The following RGS11 variants were observed in gnomAD, a reference collection of about 807,000 sequenced individuals.
RGS11 encodes regulator of G protein signaling 11.
Under a neutral mutation model 71.1 loss-of-function variants are expected in RGS11, and 86 were observed. The ratio of observed to expected loss-of-function variants is 1.21; its 90% CI spans 1.02 to 1.45. RGS11 has a LOEUF of 1.45. Ranked by LOEUF, RGS11 falls within the 40% of genes most tolerant of loss-of-function variation. The pLI is 0.00. For missense variants in RGS11, 734 were observed against 635.1 expected (o/e 1.16, Z -1.67); for synonymous variants, 298 against 254.2 (o/e 1.17, Z -1.64).
chr16:268,682 G>A lies in RGS11; in HGVS notation c.*587C>T. ...GCCGGCGCACCTGTGGACAAATTCTGGAACGCGTTTGGCGAGGGAGGAATA... is the reference window on the plus strand; with the variant it reads ...GCCGGCGCACCTGTGGACAAATTCTAGAACGCGTTTGGCGAGGGAGGAATA... On this transcript the variant is annotated 3_prime_UTR_variant, in exon 17 of 17. Transcript: ENST00000397770. The A allele has an allele frequency of 7.4e-7, 1 of 1,356,462 alleles. No individual in the cohort carries two copies. Among genetic ancestry groups the A allele is most frequent in the Non-Finnish European group, 1.0e-6 (1 of 989,776 alleles). The allele number at this position is 1,356,462 out of a possible 1,614,324, so 84.0% of individuals were successfully genotyped here.
Position 274,996 on chromosome 16 carries a change from C to T in RGS11, c.298G>A (p.Glu100Lys), listed in dbSNP as rs746825878. The change falls in exon 4 of 17, where the codon GAG becomes AAG. Residue 100 changes from glutamate to lysine, a missense_variant. By Grantham distance (56) the Glu-to-Lys change is moderately conservative (BLOSUM62 1). Coordinates refer to ENST00000397770, the MANE Select transcript of RGS11 (RefSeq NM_183337.3). The part of the protein sequence containing the change: ...DPRSLMLRPD[E>K]TPYRFQTPYF... ...CTGACCTGGAACCTGTAGGGCGTCTCGTCTGGCCGGAGCATGAGGCTACGG... is the reference window on the plus strand; with the variant it reads ...CTGACCTGGAACCTGTAGGGCGTCTTGTCTGGCCGGAGCATGAGGCTACGG... 5.8e-6 allele frequency: 9 copies of T among 1,538,626 alleles called. 1 individual carries two copies. The East Asian group carries it at 1.7e-4, about 29-fold the overall frequency.
chr16:269,779 T>TG, intron 15 of RGS11, 194 bp from the exon 16 acceptor site: 2 of 561,458 alleles, frequency 3.6e-6, no homozygotes, highest in Admixed American at 6.5e-5. Flanking sequence ...CCCGTCTGCC[T>TG]GGGCCATGTC....
intron 3 of RGS11, 43 bp from the exon 4 acceptor site, chr16:275,125 G>T (rs1344156823): frequency 1.6e-5 from 24 of 1,491,708 alleles, no homozygotes; most frequent in African/African-American, 2.8e-5. Flanking sequence ...GCGGAAGCGG[G>T]CGAGGGCGGG....
Position 269,535 on chromosome 16 carries a change from T to C in RGS11, c.1257A>G (p.Ala419=). The change falls in exon 16 of 17, where the codon GCA becomes GCG. Residue 419 remains alanine, a synonymous_variant. Coordinates refer to ENST00000397770, the MANE Select transcript of RGS11 (RefSeq NM_183337.3). ...LKSDMYKALL[A]EAGIPLEMKR... is the part of the protein sequence containing the mutation. ...TCATCTCCAGCGGGATCCCAGCCTCTGCCAGGAGGGCCTTGTACATGTCAG... is the reference window on the plus strand; with the variant it reads ...TCATCTCCAGCGGGATCCCAGCCTCCGCCAGGAGGGCCTTGTACATGTCAG... The C allele has an allele frequency of 6.2e-7, 1 of 1,613,420 alleles. No homozygotes were observed. The highest frequency in any genetic ancestry group is 1.7e-5 in the Admixed American group (1 of 60,018).
At position 271,071 on chromosome 16, in the gene RGS11, C is replaced by T. The variant is rs372559250; in HGVS notation, c.892G>A (p.Glu298Lys). The change falls in exon 13 of 17, where the codon GAG (glutamate) becomes AAG (lysine). Residue 298 changes from glutamate to lysine, a missense_variant. Transcript: ENST00000397770. Reference sequence around the variant, plus strand: ...TCCCGGAAGCTGAAGCCCCATCTCTCCACACGGAGCTTCGTGGGGGCAGCC... The same window carrying T: ...TCCCGGAAGCTGAAGCCCCATCTCTTCACACGGAGCTTCGTGGGGGCAGCC... ...TVAAPTKLRV[E>K]RWGFSFRELL... 10 of 1,612,408 alleles carry T rather than the reference C, an allele frequency of 6.2e-6. No homozygotes were observed. Among genetic ancestry groups the T allele is most frequent in the Non-Finnish European group, 8.5e-6 (10 of 1,179,876 alleles).
chr16:271,590 T>A, intron 9 of RGS11, 21 bp from the exon 10 acceptor site: 6 of 1,612,362 alleles, frequency 3.7e-6, no homozygotes, highest in Non-Finnish European at 5.1e-6. Context: ...ATAGGTGGGC[T>A]GCAGTTAGAT....
intron 9 of RGS11, chr16:272,329 T>C: frequency 1.6e-6 from 2 of 1,288,576 alleles, no homozygotes; most frequent in Non-Finnish European, 2.0e-6. Flanking sequence ...CAGCTTTGTA[T>C]GGGGAAATGT....
At position 269,204 on chromosome 16, in the gene RGS11, G is replaced by A. The variant is rs1468463279; in HGVS notation, c.*65C>T. On this transcript the variant is annotated 3_prime_UTR_variant, in exon 17 of 17. Coordinates refer to ENST00000397770, the MANE Select transcript of RGS11 (RefSeq NM_183337.3). ...CCCCAGGACCTGGGCCAAGACGGGG[G>A]TGGCTGCTGCATTCACGCAGGACGT... 4.0e-6 allele frequency: 5 copies of A among 1,235,796 alleles called. No homozygotes were observed. Among genetic ancestry groups the A allele is most frequent in the Admixed American group, 2.0e-5 (1 of 50,588 alleles). The allele number at this position is 1,235,796 out of a possible 1,614,324, so 76.6% of individuals were successfully genotyped here. A position where few individuals can be genotyped will look rare whatever the true frequency, so the allele number is the denominator to read the frequency against.
chr16:274,453 A>G (rs2141424899), intron 4 of RGS11, 188 bp from the exon 5 acceptor site: 3 of 632,542 alleles, frequency 4.7e-6, no homozygotes, highest in Non-Finnish European at 8.3e-6. Context: ...ACTGAGGTCA[A>G]CTCGCTCCTT....
chr16:271,561 AC>A lies in RGS11; in HGVS notation c.665del (p.Ser222MetfsTer21), dbSNP rs762763286. On this transcript the variant is annotated frameshift_variant, in exon 10 of 17. Transcript: ENST00000397770. LOFTEE classifies it high-confidence loss of function. ...TTACCTCCCGCTTATGGAAATCTGC[AC>A]TCTTGGTCTAGAAGGGGATAGGTGG... ...CAASRVLMTK[S>X]ADFHKREIEY... The A allele has an allele frequency of 6.4e-5, 104 of 1,613,716 alleles. No homozygotes were observed. In the African/African-American group the frequency reaches 1.1e-3, roughly 18 times the overall value.
At position 275,101 on chromosome 16, in the gene RGS11, G is replaced by A. The variant is rs201962096; in HGVS notation, c.212-19C>T. The A allele has an allele frequency of 4.5e-5, 66 of 1,478,732 alleles. 1 individual carries two copies. The East Asian group carries it at 1.6e-3, about 35-fold the overall frequency. The allele number at this position is 1,478,732 out of a possible 1,614,324, so 91.6% of individuals were successfully genotyped here. On this transcript the variant is annotated intron_variant, in intron 3 of 16. Transcript: ENST00000397770. ...AGGGCCTCTGGGGAGGGGTGGGACG[G>A]TGAGCGCGGGGCCGCGGAAGCGGGC...
intron 9 of RGS11, chr16:272,597 C>T: frequency 6.9e-7 from 1 of 1,448,132 alleles, no homozygotes; most frequent in Non-Finnish European, 9.1e-7. Flanking sequence ...TGGAGAAGAG[C>T]CCCCTTCCTC....
rs1417169710 is a variant in RGS11 at position 271,098 on chromosome 16, C to T, written c.865G>A (p.Val289Met). ...DAYWVMNAPTVAAPTKLRVER... is the reference protein window; with the variant it reads ...DAYWVMNAPTMAAPTKLRVER... ...ACACGGAGCTTCGTGGGGGCAGCCACCCTGGGGAGAGGGCAGGGCTGTTGG... is the reference window on the plus strand; with the variant it reads ...ACACGGAGCTTCGTGGGGGCAGCCATCCTGGGGAGAGGGCAGGGCTGTTGG... Residue 289 changes from valine to methionine, a missense_variant and splice_region_variant, in exon 13 of 17, where the codon GTG becomes ATG. Val to Met is a conservative substitution (Grantham distance 21, BLOSUM62 1). Coordinates refer to ENST00000397770, the MANE Select transcript of RGS11 (RefSeq NM_183337.3). 2 of 1,611,584 alleles carry T rather than the reference C, an allele frequency of 1.2e-6. No homozygotes were observed. Among genetic ancestry groups the T allele is most frequent in the South Asian group, 1.1e-5 (1 of 90,970 alleles).
chr16:273,468 G>GGCTCACC lies in RGS11; in HGVS notation c.588_588+6dup. The stretch of plus-strand genomic sequence containing the variant: ...GCGACCCCCACCCTCACCGCAGGTG[G>GGCTCACC]GCTCACCGGGGGCCTGTTCACCAGC... On this transcript the variant is annotated splice_region_variant and intron_variant, in intron 8 of 16. Coordinates refer to ENST00000397770, the MANE Select transcript of RGS11 (RefSeq NM_183337.3). The GGCTCACC allele has an allele frequency of 6.5e-7, 1 of 1,547,472 alleles. No individual in the cohort carries two copies. Among genetic ancestry groups the GGCTCACC allele is most frequent in the Non-Finnish European group, 8.7e-7 (1 of 1,145,628 alleles).
In RGS11 at chr16:275,011, T is replaced by C. The variant is rs755697675; in HGVS notation, c.283A>G (p.Met95Val). ...IYPLRDPRSL[M>V]LRPDETPYRF... ...TAGGGCGTCTCGTCTGGCCGGAGCA[T>C]GAGGCTACGGGGGTCGCGCAGCGGG... The change falls in exon 4 of 17, where the codon ATG (methionine) becomes GTG (valine). Residue 95 changes from methionine to valine, a missense_variant. Met to Val is a conservative substitution (Grantham distance 21). Coordinates refer to ENST00000397770, the MANE Select transcript of RGS11 (RefSeq NM_183337.3). The C allele has an allele frequency of 5.2e-6, 8 of 1,532,526 alleles. No homozygotes were observed. The highest frequency in any genetic ancestry group is 1.4e-5 in the African/African-American group (1 of 73,184). The allele number at this position is 1,532,526 out of a possible 1,614,324, so 94.9% of individuals were successfully genotyped here.
chr16:270,772 C>T lies in RGS11; in HGVS notation c.1039G>A (p.Val347Ile). 1 of 1,612,614 alleles carries T rather than the reference C, an allele frequency of 6.2e-7. No individual in the cohort carries two copies. The highest frequency in any genetic ancestry group is 8.5e-7 in the Non-Finnish European group (1 of 1,179,926). Residue 347 changes from valine (V) to isoleucine (I), a missense_variant, in exon 14 of 17, where the codon GTC (valine) becomes ATC (isoleucine). Transcript: ENST00000397770. ...TACACGGCATCCACCAGGGTGGGGACCTGGGCCTGCGCTCCATATCGAAGC... is the reference window on the plus strand; with the variant it reads ...TACACGGCATCCACCAGGGTGGGGATCTGGGCCTGCGCTCCATATCGAAGC... ...EELRYGAQAQ[V>I]PTLVDAVYEQ...
chr16:275,574 G>T, intron 1 of RGS11, 76 bp from the exon 2 acceptor site: 1 of 1,260,948 alleles, frequency 7.9e-7, no homozygotes, highest in Non-Finnish European at 1.1e-6. Context: ...GGGATGCCCC[G>T]GATCCGGGAG....
At position 273,568 on chromosome 16, in the gene RGS11, A is replaced by T; in HGVS notation, c.507-12T>A. On this transcript the variant is annotated splice_polypyrimidine_tract_variant and intron_variant, in intron 7 of 16. Coordinates refer to ENST00000397770, the MANE Select transcript of RGS11 (RefSeq NM_183337.3). Reference sequence around the variant, plus strand: ...GCTGCTTGGCTGCCCTGGGAGGAGGAGGCCGAGTTGAGGGCACGCCCTGCA... The same window carrying T: ...GCTGCTTGGCTGCCCTGGGAGGAGGTGGCCGAGTTGAGGGCACGCCCTGCA... The T allele has an allele frequency of 6.4e-7, 1 of 1,557,954 alleles. No homozygotes were observed.
chr16:274,536 G>A, intron 4 of RGS11: 1 of 596,262 alleles, frequency 1.7e-6, no homozygotes, highest in African/African-American at 1.8e-5. Context: ...GGGGCTGGGG[G>A]CCTGCACAAG....
Sources: gnomAD v4.1 joint callset for allele counts on GRCh38, gnomAD v4.1.1 for gene constraint, MANE v1.5 for transcripts, NCBI Gene and HGNC (gene_info 2026-07-23, HGNC 2026-07-21) for gene names.